Variants in MYT1L observed in about 807,000 individuals in gnomAD.
The protein encoded by MYT1L is myelin transcription factor 1-like protein.
Under a neutral mutation model 126.7 loss-of-function variants are expected in MYT1L, and 12 were observed. That is an observed-to-expected ratio of 0.09 (90% CI 0.06 to 0.15). MYT1L has a LOEUF of 0.15. Among genes scored for constraint, MYT1L ranks in the 10% least tolerant of loss-of-function variants. The pLI is 1.00. For missense variants in MYT1L, 979 were observed against 1,585.2 expected, an observed-to-expected ratio of 0.62 and a Z score of 6.49; for synonymous variants, 541 against 604.2, an observed-to-expected ratio of 0.90 and a Z score of 1.53.
At chr2:1,810,789 A>G (rs1030169248) in intron 21 of MYT1L, among the ~76,000 whole-genome samples, 5 of 152,212 alleles carry the variant, frequency 3.3e-5, no homozygotes, top group African/African-American at 1.2e-4. Flanking sequence ...TCTTTGTATA[A>G]AAATATTTCC....
chr2:1,794,832 A>T (rs1160142228), intron 23 of MYT1L, among the ~76,000 whole-genome samples: 4 of 152,182 alleles, frequency 2.6e-5, no homozygotes, highest in Non-Finnish European at 5.9e-5. Flanking sequence ...CATTGTGTTA[A>T]ATCTGCTTAG....
intron 11 of MYT1L, among the ~76,000 whole-genome samples, chr2:1,915,087 T>C (rs1234228955): frequency 6.6e-6 from 1 of 152,148 alleles, no homozygotes; most frequent in Non-Finnish European, 1.5e-5. Flanking sequence ...GGGAGCTCTC[T>C]GAGGGCCAGT....
intron 2 of MYT1L, among the ~76,000 whole-genome samples, chr2:2,251,960 G>A (rs1401511290): frequency 1.3e-5 from 2 of 151,934 alleles, no homozygotes; most frequent in Non-Finnish European, 2.9e-5. Flanking sequence ...GAACGGCAAG[G>A]CAAGGCAGGC....
At chr2:2,167,191 G>A (rs937568636) in intron 3 of MYT1L, among the ~76,000 whole-genome samples, 1 of 152,150 alleles carries the variant, frequency 6.6e-6, no homozygotes, top group African/African-American at 2.4e-5. Context: ...ACCCTGTGAC[G>A]TGGGAAACAC....
At chr2:1,844,180 G>C (rs1489374360) in intron 19 of MYT1L, among the ~76,000 whole-genome samples, 2 of 152,148 alleles carry the variant, frequency 1.3e-5, no homozygotes, top group African/African-American at 4.8e-5. Flanking sequence ...CAGGGCCTCT[G>C]TTCCATCCCT....
intron 4 of MYT1L, among the ~76,000 whole-genome samples, chr2:2,004,226 C>T (rs530882492): frequency 1.0e-4 from 14 of 138,184 alleles, no homozygotes; most frequent in African/African-American, 3.1e-4. Context: ...TTCCTGCAGG[C>T]GTTCTTTCCT....
intron 2 of MYT1L, among the ~76,000 whole-genome samples, chr2:2,282,713 G>T (rs991341703): frequency 2.6e-5 from 4 of 152,182 alleles, no homozygotes; most frequent in Non-Finnish European, 5.9e-5. Context: ...AATTGATGAA[G>T]TATATTTCAG....
At chr2:1,868,768 T>TC (rs912954727) in intron 18 of MYT1L, among the ~76,000 whole-genome samples, 3 of 151,822 alleles carry the variant, frequency 2.0e-5, no homozygotes, top group African/African-American at 7.3e-5. Context: ...GGCTCCCTCC[T>TC]CCCCCCTCCT....
chr2:2,092,920 G>A (rs563978577), intron 3 of MYT1L, among the ~76,000 whole-genome samples: 1 of 152,336 alleles, frequency 6.6e-6, no homozygotes, highest in South Asian at 2.1e-4. Context: ...CCCTTTAGCA[G>A]CTGAAGGTGT....
At chr2:2,084,980 C>T (rs939472520) in intron 3 of MYT1L, among the ~76,000 whole-genome samples, 1 of 152,120 alleles carries the variant, frequency 6.6e-6, no homozygotes, top group Admixed American at 6.5e-5. Context: ...CCCTGGCCAG[C>T]CCTCCTCACC....
intron 3 of MYT1L, among the ~76,000 whole-genome samples, chr2:2,158,669 A>C (rs1252376577): frequency 1.3e-5 from 2 of 151,028 alleles, no homozygotes; most frequent in African/African-American, 4.9e-5. Context: ...ACACGGGTGC[A>C]CACACTGCAC....
chr2:1,898,925 G>A (rs1436396561), intron 14 of MYT1L, among the ~76,000 whole-genome samples: 1 of 152,224 alleles, frequency 6.6e-6, no homozygotes, highest in Admixed American at 6.5e-5. Flanking sequence ...AGCTGCCCAG[G>A]CAGTCAGGGG....
rs116108037 is a variant in MYT1L at position 1,984,074 on chromosome 2, G to A, written c.1-4297C>T. ...AGCTGTCAGGAGTGATTCATGAAGA[G>A]AGAGCAGGTGAATTATTTCCTAATA... is the stretch of plus-strand genomic sequence containing the variant. On this transcript the variant is annotated intron_variant, in intron 5 of 24. Coordinates refer to ENST00000647738, the MANE Select transcript of MYT1L (RefSeq NM_001303052.2). 6.1e-3 allele frequency among the ~76,000 whole-genome samples: 936 copies of A among 152,310 alleles called. 10 individuals are homozygous for A. The highest frequency in any genetic ancestry group is 0.021 in the African/African-American group (881 of 41,562).
chr2:1,869,966 C>T (rs1388734356), intron 18 of MYT1L, among the ~76,000 whole-genome samples: 1 of 152,154 alleles, frequency 6.6e-6, no homozygotes, highest in Non-Finnish European at 1.5e-5. Context: ...AAATAAACAG[C>T]CTTCATCCAT....
At chr2:1,953,951 G>A (rs1235934420) in intron 8 of MYT1L, among the ~76,000 whole-genome samples, 2 of 152,206 alleles carry the variant, frequency 1.3e-5, no homozygotes, top group Non-Finnish European at 2.9e-5. Flanking sequence ...TGCTCTTTAA[G>A]TGATGTTCCA....
intron 2 of MYT1L, among the ~76,000 whole-genome samples, chr2:2,203,601 A>C (rs993665368): frequency 5.9e-5 from 9 of 151,906 alleles, no homozygotes; most frequent in African/African-American, 2.2e-4. Context: ...CTGCTCAATG[A>C]AATAAAAGAG....
chr2:2,249,375 T>C (rs1406528130), intron 2 of MYT1L, among the ~76,000 whole-genome samples: 1 of 151,694 alleles, frequency 6.6e-6, no homozygotes, highest in African/African-American at 2.4e-5. Context: ...TTGAAGAGGA[T>C]ACAAAAAAAT....
intron 3 of MYT1L, among the ~76,000 whole-genome samples, chr2:2,123,579 C>G (rs1005782886): frequency 1.6e-4 from 24 of 152,194 alleles, no homozygotes; most frequent in African/African-American, 5.5e-4. Flanking sequence ...TCTCTTCCTC[C>G]TGCTCTGGCC....
At chr2:1,990,597 G>C (rs769627698) in intron 5 of MYT1L, among the ~76,000 whole-genome samples, 32 of 152,160 alleles carry the variant, frequency 2.1e-4, no homozygotes, top group Admixed American at 1.4e-3. Context: ...TATGAGTTCA[G>C]GCAAGTTATC....
Sources: allele counts gnomAD v4.1 joint callset (sites outside exome capture counted in the v4.1 genomes callset), GRCh38; gene constraint gnomAD v4.1.1; transcripts MANE v1.5; gene names NCBI Gene and HGNC (gene_info 2026-07-23, HGNC 2026-07-21).